SNX30: variants seen among roughly 807,000 people sequenced by gnomAD.
SNX30 encodes the protein sorting nexin family member 30, also known as sorting nexin-30.
A neutral mutation model predicts 46.4 loss-of-function variants in SNX30; 24 were observed. The observed-to-expected ratio is 0.52, with a 90% CI of 0.37 to 0.73. SNX30 has a LOEUF of 0.73. Among genes scored for constraint, SNX30 ranks in the 30% least tolerant of loss-of-function variants. The pLI, the probability that SNX30 is intolerant of heterozygous loss-of-function variation, is 0.00. For missense variants in SNX30, 533 were observed against 555.7 expected, an observed-to-expected ratio of 0.96 and a Z score of 0.41; for synonymous variants, 189 against 211.5, an observed-to-expected ratio of 0.89 and a Z score of 0.92.
chr9:112,813,317 AAAAC>A lies in SNX30; in HGVS notation c.349-4387_349-4384del, dbSNP rs570646162. ...TATCTCTACAAAAAAAACAAACAAAAAAACCACCAAAAATCAGCCAGATATGGTG... is the reference window on the plus strand; with the variant it reads ...TATCTCTACAAAAAAAACAAACAAAACACCAAAAATCAGCCAGATATGGTG... On this transcript the variant is annotated intron_variant, in intron 2 of 8. Coordinates refer to ENST00000374232, the MANE Select transcript of SNX30 (RefSeq NM_001012994.2). 4.6e-3 allele frequency among the ~76,000 whole-genome samples: 701 copies of A among 151,956 alleles called. 3 individuals carry two copies. The highest frequency in any genetic ancestry group is 0.024 in the Middle Eastern group (7 of 294).
chr9:112,824,486 A>G (rs1840552149), intron 3 of SNX30, among the ~76,000 whole-genome samples: 1 of 151,618 alleles, frequency 6.6e-6, no homozygotes, highest in African/African-American at 2.4e-5. Flanking sequence ...CTCATGGCCA[A>G]TCTTGTTTCA....
At chr9:112,848,894 G>A (rs961703702) in intron 6 of SNX30, among the ~76,000 whole-genome samples, 1 of 152,192 alleles carries the variant, frequency 6.6e-6, no homozygotes, top group African/African-American at 2.4e-5. Flanking sequence ...CGTAGTCCCA[G>A]GGGTCTTGCA....
intron 3 of SNX30, among the ~76,000 whole-genome samples, chr9:112,829,097 T>TGACA (rs1840621565): frequency 6.6e-6 from 1 of 152,230 alleles, no homozygotes; most frequent in Non-Finnish European, 1.5e-5. Flanking sequence ...TTAGTTTTTA[T>TGACA]GACAAACTAT....
At chr9:112,831,902 G>C (rs981174297) in intron 4 of SNX30, among the ~76,000 whole-genome samples, 10 of 152,162 alleles carry the variant, frequency 6.6e-5, no homozygotes, top group African/African-American at 2.4e-4. Context: ...CCATCTGTTT[G>C]GTTTCAGGTA....
In SNX30 at chr9:112,857,082, C is replaced by T. The variant is rs185875134; in HGVS notation, c.1101+6137C>T. 1.3e-3 allele frequency among the ~76,000 whole-genome samples: 197 copies of T among 152,324 alleles called. 3 individuals are homozygous for T. The South Asian group carries it at 0.017, about 13-fold the overall frequency. On this transcript the variant is annotated intron_variant, in intron 7 of 8. Coordinates refer to ENST00000374232, the MANE Select transcript of SNX30 (RefSeq NM_001012994.2). The stretch of plus-strand genomic sequence containing the variant: ...CCAGCAGCTGTGCTCCCTGAGGGGG[C>T]GCCCTGCCTTTCCCGAGGCAGGCAC...
chr9:112,775,843 A>G (rs1167753909), intron 1 of SNX30, among the ~76,000 whole-genome samples: 5 of 148,260 alleles, frequency 3.4e-5, no homozygotes, highest in African/African-American at 1.3e-4. Flanking sequence ...CACGCTTTAC[A>G]CATAACCTTA....
chr9:112,766,901 C>G (rs1470000492), intron 1 of SNX30, among the ~76,000 whole-genome samples: 1 of 152,158 alleles, frequency 6.6e-6, no homozygotes, highest in Non-Finnish European at 1.5e-5. Flanking sequence ...CCATTGTGAA[C>G]AATGCTGCAA....
chr9:112,857,301 C>T (rs1841149173), intron 7 of SNX30, among the ~76,000 whole-genome samples: 1 of 152,218 alleles, frequency 6.6e-6, no homozygotes, highest in Admixed American at 6.5e-5. Flanking sequence ...GAGCCACTGA[C>T]TTTCTATTTG....
intron 1 of SNX30, among the ~76,000 whole-genome samples, chr9:112,786,497 A>C (rs1241912296): frequency 6.6e-6 from 1 of 150,554 alleles, no homozygotes; most frequent in African/African-American, 2.4e-5. Context: ...TTTTTTCCTC[A>C]TTCATTCCTT....
At chr9:112,831,298 A>G (rs1004103720) in intron 4 of SNX30, among the ~76,000 whole-genome samples, 2 of 152,122 alleles carry the variant, frequency 1.3e-5, no homozygotes. Context: ...GATGGATTCT[A>G]TGTTAGAATT....
At chr9:112,825,973 C>T (rs1840574111) in intron 3 of SNX30, among the ~76,000 whole-genome samples, 1 of 152,154 alleles carries the variant, frequency 6.6e-6, no homozygotes, top group South Asian at 2.1e-4. Context: ...CAGAAGGATT[C>T]TCTCTAGGGT....
chr9:112,752,534 G>A (rs1839294166), intron 1 of SNX30, among the ~76,000 whole-genome samples: 1 of 152,192 alleles, frequency 6.6e-6, no homozygotes, highest in Admixed American at 6.5e-5. Context: ...GAGCCTGGGA[G>A]TTCAAGGCTG....
chr9:112,883,434 G>A (rs1336908534), downstream of SNX30, among the ~76,000 whole-genome samples: 3 of 152,136 alleles, frequency 2.0e-5, no homozygotes, highest in African/African-American at 7.2e-5. Context: ...CCTTTGGCAA[G>A]TTATTTAATA....
At chr9:112,772,511 G>A (rs1365348144) in intron 1 of SNX30, among the ~76,000 whole-genome samples, 1 of 152,186 alleles carries the variant, frequency 6.6e-6, no homozygotes, top group East Asian at 1.9e-4. Flanking sequence ...ACTCGTGTGT[G>A]CGTGTGGAGA....
rs903870148 is a variant in SNX30 at position 112,759,258 on chromosome 9, C to T, written c.156+8101C>T. Reference sequence around the variant, plus strand: ...TCCACTTCCTGACCTCTGACATACTCCTCAGCCTCCTGCTGCCTAGTTTCT... The same window carrying T: ...TCCACTTCCTGACCTCTGACATACTTCTCAGCCTCCTGCTGCCTAGTTTCT... On this transcript the variant is annotated intron_variant, in intron 1 of 8. Transcript: ENST00000374232. 3.3e-5 allele frequency among the ~76,000 whole-genome samples: 5 copies of T among 152,320 alleles called. No homozygotes were observed. In the East Asian group the frequency reaches 7.7e-4, roughly 24 times the overall value.
At chr9:112,879,580 A>G, downstream of SNX30, 1 of 557,882 alleles carries the variant, frequency 1.8e-6, no homozygotes, top group Non-Finnish European at 3.2e-6. Context: ...TCACCAGGAA[A>G]GTGCTTTTCC....
At chr9:112,813,387 G>A (rs999151001) in intron 2 of SNX30, among the ~76,000 whole-genome samples, 4 of 152,114 alleles carry the variant, frequency 2.6e-5, no homozygotes, top group Admixed American at 6.5e-5. Flanking sequence ...GCTGAGGTGG[G>A]AGGATTGCCT....
intron 1 of SNX30, among the ~76,000 whole-genome samples, chr9:112,771,339 A>G (rs1839645588): frequency 6.6e-6 from 1 of 152,232 alleles, no homozygotes. Flanking sequence ...TTATATGGCT[A>G]TTAGTAGGGT....
intron 7 of SNX30, among the ~76,000 whole-genome samples, chr9:112,851,241 A>G (rs1045554436): frequency 1.3e-5 from 2 of 152,248 alleles, no homozygotes; most frequent in Admixed American, 1.3e-4. Context: ...AGAGAAGGAA[A>G]GAATAGCCTA....
Sources: gnomAD v4.1 joint callset for allele counts (sites outside exome capture counted in the v4.1 genomes callset) on GRCh38, gnomAD v4.1.1 for gene constraint, MANE v1.5 for transcripts, NCBI Gene and HGNC (gene_info 2026-07-23, HGNC 2026-07-21) for gene names.